CPSF4: variants seen among roughly 807,000 people sequenced by gnomAD.
CPSF4 encodes cleavage and polyadenylation specific factor 4.
In CPSF4, 11 loss-of-function variants were observed where a neutral mutation model predicts 37.7. The observed-to-expected ratio is 0.29, with a 90% CI of 0.18 to 0.48. The LOEUF (loss-of-function observed/expected upper bound fraction) is 0.48. Ranked by LOEUF, CPSF4 falls within the 20% of genes least tolerant of loss-of-function variation. The pLI is 0.99. For missense variants in CPSF4, 144 were observed against 359.5 expected (o/e 0.40, Z 4.85); for synonymous variants, 132 against 135.9 (o/e 0.97, Z 0.20).
At chr7:99,439,446 ACCT>A (rs1481540182) in intron 1 of CPSF4, 2 of 376,654 alleles carry the variant, frequency 5.3e-6, no homozygotes, top group Non-Finnish European at 9.5e-6. Flanking sequence ...CCATCCTGAG[ACCT>A]CCTCTTCTGG....
intron 1 of CPSF4, among the ~76,000 whole-genome samples, chr7:99,444,457 C>CAA (rs369493060): frequency 6.9e-6 from 1 of 144,174 alleles, no homozygotes; most frequent in African/African-American, 2.5e-5. Flanking sequence ...AACCCCATCT[C>CAA]AAAAAAAAAA....
In CPSF4 at chr7:99,456,755, C is replaced by T. The variant is rs984850094; in HGVS notation, c.*255C>T. 22 of 558,014 alleles carry T rather than the reference C, an allele frequency of 3.9e-5. No homozygotes were observed. The Admixed American group carries it at 4.3e-4, about 11-fold the overall frequency. The allele number at this position is 558,014 out of a possible 1,614,324, so 34.6% of individuals were successfully genotyped here. ...GGGCATCGATGCCTCCTTTCTGGGA[C>T]TCCCGGCACAACTCCCCTCATCCAG... On this transcript the variant is annotated 3_prime_UTR_variant, in exon 8 of 8. Transcript: ENST00000292476.
chr7:99,442,483 C>G (rs1193774538), intron 1 of CPSF4, among the ~76,000 whole-genome samples: 1 of 151,674 alleles, frequency 6.6e-6, no homozygotes. Context: ...GGTGAAACCC[C>G]GTCTCTACTA....
At chr7:99,447,939 G>C in intron 2 of CPSF4, 182 bp from the exon 3 acceptor site, 1 of 630,938 alleles carries the variant, frequency 1.6e-6, no homozygotes, top group Non-Finnish European at 2.9e-6. Context: ...TAAAATGTCT[G>C]TCAGTGTAGT....
At position 99,438,986 on chromosome 7, in the gene CPSF4, A is replaced by AAGG; in HGVS notation, c.-91_-89dup. On this transcript the variant is annotated 5_prime_UTR_variant, in exon 1 of 8. Coordinates refer to ENST00000292476, the MANE Select transcript of CPSF4 (RefSeq NM_006693.4). ...GCGGCGGCGGCGGCGAGGCGAAGCG[A>AAGG]AGGAGGAGTGTGTGCGGCGGGGCCG... 1 of 1,220,224 alleles carries AAGG rather than the reference A, an allele frequency of 8.2e-7. No individual in the cohort carries two copies. Among genetic ancestry groups the AAGG allele is most frequent in the South Asian group, 1.5e-5 (1 of 64,878 alleles). The allele number at this position is 1,220,224 out of a possible 1,614,324, so 75.6% of individuals were successfully genotyped here.
rs779544824 is a variant in CPSF4, at chr7:99,453,925, G to A, written c.571-41G>A. On this transcript the variant is annotated intron_variant, in intron 6 of 7. Transcript: ENST00000292476. This position sits in a 1 kb window ranked among gnomAD's most constrained non-coding sequence, Gnocchi z 4.7. ...GTCCCCATCGGTAGTCTGCGTGCAC[G>A]TGTTTTCCACAGTAAAACCGTGTTG... The A allele has an allele frequency of 9.4e-6, 15 of 1,591,130 alleles. No individual in the cohort carries two copies. The highest frequency in any genetic ancestry group is 8.5e-5 in the Admixed American group (5 of 59,116).
intron 1 of CPSF4, among the ~76,000 whole-genome samples, chr7:99,441,713 G>A (rs1357407863): frequency 6.6e-6 from 1 of 151,206 alleles, no homozygotes; most frequent in Non-Finnish European, 1.5e-5. Context: ...TTTTTTTTGA[G>A]ACAGAGTCTT....
rs1371301928 is a variant in CPSF4, at chr7:99,450,406, A to G, written c.403+35A>G. 3 of 1,472,710 alleles carry G rather than the reference A, an allele frequency of 2.0e-6. No individual in the cohort carries two copies. The Admixed American group carries it at 5.1e-5, about 25-fold the overall frequency. 91.2% of individuals were successfully genotyped at this position (1,472,710 alleles called of 1,614,324 possible). A position where few individuals can be genotyped will look rare whatever the true frequency, so the allele number is the denominator to read the frequency against. On this transcript the variant is annotated intron_variant, in intron 4 of 7. Transcript: ENST00000292476. ...AGGGTGGGCTGGGCCCCGGGCAAGA[A>G]GCCAGTCCTCCCTTCTCTGCCCACG...
chr7:99,453,946 T>G lies in CPSF4; in HGVS notation c.571-20T>G, dbSNP rs775989764. The G allele has an allele frequency of 3.1e-6, 5 of 1,611,832 alleles. No homozygotes were observed. In the East Asian group the frequency reaches 8.9e-5, roughly 29 times the overall value. ...GCACGTGTTTTCCACAGTAAAACCGTGTTGTGTAACTCTTTCCAGCAAAGT... is the reference window on the plus strand; with the variant it reads ...GCACGTGTTTTCCACAGTAAAACCGGGTTGTGTAACTCTTTCCAGCAAAGT... On this transcript the variant is annotated intron_variant, in intron 6 of 7. Coordinates refer to ENST00000292476, the MANE Select transcript of CPSF4 (RefSeq NM_006693.4). This position sits in a 1 kb window ranked among gnomAD's most constrained non-coding sequence, Gnocchi z 4.7.
At position 99,450,807 on chromosome 7, in the gene CPSF4, G is replaced by A; in HGVS notation, c.497+12G>A. ...TGTAAATTCATGCAGTGAGTAGCCAGCTGCTCCGCCCTCTACCCCAGCTCC... is the reference window on the plus strand; with the variant it reads ...TGTAAATTCATGCAGTGAGTAGCCAACTGCTCCGCCCTCTACCCCAGCTCC... On this transcript the variant is annotated intron_variant, in intron 5 of 7. Coordinates refer to ENST00000292476, the MANE Select transcript of CPSF4 (RefSeq NM_006693.4). The A allele has an allele frequency of 6.3e-7, 1 of 1,599,496 alleles. No homozygotes were observed. Among genetic ancestry groups the A allele is most frequent in the South Asian group, 1.1e-5 (1 of 90,742 alleles).
chr7:99,446,771 CTTTTTTTTTTTT>C (rs762892785), intron 2 of CPSF4, among the ~76,000 whole-genome samples: 79 of 29,116 alleles, frequency 2.7e-3, no homozygotes, highest in African/African-American at 0.011. Flanking sequence ...CCATACCCAG[CTTTTTTTTTTTT>C]TTTTTTTTTT....
intron 7 of CPSF4, 82 bp downstream of exon 7, chr7:99,454,218 A>G: frequency 8.0e-7 from 1 of 1,256,544 alleles, no homozygotes; most frequent in Non-Finnish European, 1.1e-6. Flanking sequence ...TGTTTGGTGA[A>G]ATGAGAAAAA....
chr7:99,448,423 C>A lies in CPSF4; in HGVS notation c.307+150C>A. 1.5e-6 allele frequency: 1 copy of A among 686,780 alleles called. No individual in the cohort carries two copies. The highest frequency in any genetic ancestry group is 2.3e-6 in the Non-Finnish European group (1 of 438,698). 42.5% of individuals were successfully genotyped at this position (686,780 alleles called of 1,614,324 possible). ...GGCAGAACCTGCCAGCCTCAGCCAG[C>A]TTTTAGGGGACAGTGTGGCTATTTT... On this transcript the variant is annotated intron_variant, in intron 3 of 7. Transcript: ENST00000292476. The surrounding 1 kb of genome is among the most constrained non-coding windows in gnomAD (Gnocchi z 4.4).
intron 1 of CPSF4, among the ~76,000 whole-genome samples, chr7:99,442,206 C>T (rs1339230361): frequency 6.6e-6 from 1 of 152,170 alleles, no homozygotes; most frequent in Non-Finnish European, 1.5e-5. Context: ...GAAACTGTTT[C>T]TGATGCCAAG....
Position 99,438,993 on chromosome 7 carries a change from A to T in CPSF4, c.-90A>T. On this transcript the variant is annotated 5_prime_UTR_variant, in exon 1 of 8. Transcript: ENST00000292476. The stretch of plus-strand genomic sequence containing the variant: ...CGGCGGCGAGGCGAAGCGAAGGAGG[A>T]GTGTGTGCGGCGGGGCCGGCGGCGG... The T allele has an allele frequency of 3.2e-6, 4 of 1,259,350 alleles. No individual in the cohort carries two copies. In the South Asian group the frequency reaches 4.3e-5, roughly 14 times the overall value. 78.0% of individuals were successfully genotyped at this position (1,259,350 alleles called of 1,614,324 possible).
In CPSF4 at chr7:99,448,440, G is replaced by T; in HGVS notation, c.307+167G>T. The T allele has an allele frequency of 6.8e-6, 4 of 591,648 alleles. No homozygotes were observed. Among genetic ancestry groups the T allele is most frequent in the Non-Finnish European group, 8.4e-6 (3 of 356,612 alleles). The allele number at this position is 591,648 out of a possible 1,614,324, so 36.6% of individuals were successfully genotyped here. A position where few individuals can be genotyped will look rare whatever the true frequency, so the allele number is the denominator to read the frequency against. ...TCAGCCAGCTTTTAGGGGACAGTGT[G>T]GCTATTTTCTGCTCATCTCTTTTTT... On this transcript the variant is annotated intron_variant, in intron 3 of 7. Transcript: ENST00000292476. The surrounding 1 kb of genome is among the most constrained non-coding windows in gnomAD (Gnocchi z 4.4).
At position 99,448,649 on chromosome 7, in the gene CPSF4, C is replaced by T. The variant is rs772976352; in HGVS notation, c.307+376C>T. 7.3e-4 allele frequency: 122 copies of T among 166,000 alleles called. 2 individuals are homozygous for T. The highest frequency in any genetic ancestry group is 2.2e-4 in the Non-Finnish European group (17 of 76,862). The allele number at this position is 166,000 out of a possible 1,614,324, so 10.3% of individuals were successfully genotyped here. On this transcript the variant is annotated intron_variant, in intron 3 of 7. Transcript: ENST00000292476. This position sits in a 1 kb window ranked among gnomAD's most constrained non-coding sequence, Gnocchi z 4.4. ...AGTGTTTGGAGCTCTTTCAATCACT[C>T]GGATTTGAGGCTAACGAGGGTGACC...
intron 2 of CPSF4, chr7:99,447,843 C>G (rs1289451119): frequency 2.0e-6 from 1 of 508,318 alleles, no homozygotes; most frequent in Admixed American, 2.3e-5. Flanking sequence ...ATCTCCTGAC[C>G]TTGTGATCCG....
Position 99,456,204 on chromosome 7 carries a change from C to G in CPSF4, c.742-228C>G, listed in dbSNP as rs192276836. Among the ~76,000 whole-genome samples the G allele has an allele frequency of 1.8e-3, 280 of 152,378 alleles. 1 individual carries two copies. Among genetic ancestry groups the G allele is most frequent in the Non-Finnish European group, 3.1e-3 (214 of 68,038 alleles). ...CTTCTGGCGGCCTTGTTCTCCCTTGCATCTGCGGAGTTGCTGGCTAGTTTC... is the reference window on the plus strand; with the variant it reads ...CTTCTGGCGGCCTTGTTCTCCCTTGGATCTGCGGAGTTGCTGGCTAGTTTC... On this transcript the variant is annotated intron_variant, in intron 7 of 7. Transcript: ENST00000292476.
Sources: gnomAD v4.1 joint callset for allele counts (sites outside exome capture counted in the v4.1 genomes callset) on GRCh38, gnomAD v4.1.1 for gene constraint, Gnocchi (gnomAD v3.1) non-coding constraint, MANE v1.5 for transcripts, NCBI Gene and HGNC (gene_info 2026-07-23, HGNC 2026-07-21) for gene names.